The following CAVIN1 variants were observed in gnomAD, a reference collection of about 807,000 sequenced individuals.
The protein encoded by CAVIN1 is caveolae-associated protein 1.
CAVIN1 carries 16 observed loss-of-function variants against 24.0 expected under a neutral mutation model. The ratio of observed to expected loss-of-function variants is 0.67; its 90% confidence interval spans 0.45 to 1.01. The LOEUF is 1.01. Among genes scored for constraint, CAVIN1 ranks in the 50% least tolerant of loss-of-function variants. The probability of loss-of-function intolerance (pLI) is 0.00; values close to 1 mark genes in which losing one functional copy is unlikely to be tolerated. For missense variants in CAVIN1, 510 were observed against 551.7 expected, an observed-to-expected ratio of 0.92 and a Z score of 0.76; for synonymous variants, 256 against 256.4, an observed-to-expected ratio of 1.00 and a Z score of 0.02.
rs1263327749 is a variant in CAVIN1, at chr17:42,422,622, C to T, written c.471+5G>A. The T allele has an allele frequency of 6.4e-7, 1 of 1,564,232 alleles. No individual in the cohort carries two copies. The highest frequency in any genetic ancestry group is 8.7e-7 in the Non-Finnish European group (1 of 1,154,426). On this transcript the variant is annotated splice_donor_5th_base_variant and intron_variant, in intron 1 of 1. Transcript: ENST00000357037. ...CTCTGGGCGCCTTCCGCCCTGTGGG[C>T]TCACCTGGTAGATCATGACTTTAAA... is the stretch of plus-strand genomic sequence containing the variant.
At chr17:42,422,557 C>A in intron 1 of CAVIN1, 70 bp downstream of exon 1, 1 of 1,309,138 alleles carries the variant, frequency 7.6e-7, no homozygotes, top group South Asian at 1.4e-5. Flanking sequence ...GGTCTCCCCA[C>A]CCCAACTCCC....
rs762110643 is a variant in CAVIN1, at chr17:42,422,722, C to T, written c.376G>A (p.Gly126Ser). 1 of 1,609,944 alleles carries T rather than the reference C, an allele frequency of 6.2e-7. No homozygotes were observed. The highest frequency in any genetic ancestry group is 1.1e-5 in the South Asian group (1 of 90,400). Residue 126 changes from glycine (G) to serine (S), a missense_variant, in exon 1 of 2, where the codon GGC becomes AGC. Coordinates refer to ENST00000357037, the MANE Select transcript of CAVIN1 (RefSeq NM_012232.6). The part of the protein sequence containing the change: ...KVSVNVKTVR[G>S]SLERQAGQIK... ...TGCCCCGCCTGGCGCTCCAGGCTGC[C>T]GCGCACGGTCTTCACGTTGACGCTG... is the stretch of plus-strand genomic sequence containing the variant.
At chr17:42,409,593 C>G (rs2085464308) in intron 1 of CAVIN1, among the ~76,000 whole-genome samples, 1 of 152,124 alleles carries the variant, frequency 6.6e-6, no homozygotes. Flanking sequence ...AATAGGCTGG[C>G]TCTGGAGAGG....
chr17:42,421,553 T>G (rs2085545627), intron 1 of CAVIN1, among the ~76,000 whole-genome samples: 1 of 152,138 alleles, frequency 6.6e-6, no homozygotes, highest in South Asian at 2.1e-4. Context: ...GCTGGAACAC[T>G]TGCCGCCCAG....
In CAVIN1 at chr17:42,418,229, C is replaced by CTT. The variant is rs555569816; in HGVS notation, c.471+4396_471+4397dup. ...ATTAAGCAATGCGTGACTGTATTTC[C>CTT]TTTTTTTTTTTTTTTTTTTGAGACC... is the stretch of plus-strand genomic sequence containing the variant. On this transcript the variant is annotated intron_variant, in intron 1 of 1. Coordinates refer to ENST00000357037, the MANE Select transcript of CAVIN1 (RefSeq NM_012232.6). 4.6e-3 allele frequency among the ~76,000 whole-genome samples: 595 copies of CTT among 129,440 alleles called. 5 individuals are homozygous for CTT. The highest frequency in any genetic ancestry group is 0.015 in the African/African-American group (504 of 33,804). 84.9% of individuals were successfully genotyped at this position (129,440 alleles called of 152,430 possible).
intron 1 of CAVIN1, chr17:42,411,442 A>C (rs2085478228): frequency 1.0e-6 from 1 of 985,178 alleles, no homozygotes; most frequent in Non-Finnish European, 1.2e-6. Context: ...TGCTATAGGA[A>C]GGCCAGAGGT....
intron 1 of CAVIN1, among the ~76,000 whole-genome samples, chr17:42,415,279 C>T (rs1356052379): frequency 2.6e-5 from 4 of 152,170 alleles, no homozygotes; most frequent in African/African-American, 9.7e-5. Flanking sequence ...AAGGGTACAC[C>T]TGGGTTCTGG....
Position 42,422,677 on chromosome 17 carries a change from T to G in CAVIN1, c.421A>C (p.Asn141His), listed in dbSNP as rs201698896. The change falls in exon 1 of 2, where the codon AAC (asparagine) becomes CAC (histidine). Residue 141 changes from asparagine to histidine, a missense_variant. Transcript: ENST00000357037. The part of the protein sequence containing the change: ...QAGQIKKLEV[N>H]EAELLRRRNF... Reference sequence around the variant, plus strand: ...CGGCGCCGCAGCAGCTCGGCCTCGTTGACCTCCAGCTTCTTGATCTGCCCC... The same window carrying G: ...CGGCGCCGCAGCAGCTCGGCCTCGTGGACCTCCAGCTTCTTGATCTGCCCC... The G allele has an allele frequency of 6.2e-7, 1 of 1,605,948 alleles. No individual in the cohort carries two copies. Among genetic ancestry groups the G allele is most frequent in the East Asian group, 2.3e-5 (1 of 44,370 alleles).
At chr17:42,406,256 G>A (rs2085445951) in intron 1 of CAVIN1, among the ~76,000 whole-genome samples, 1 of 152,162 alleles carries the variant, frequency 6.6e-6, no homozygotes, top group African/African-American at 2.4e-5. Flanking sequence ...GAGCCAGGCC[G>A]AAAAGCAAGT....
Position 42,403,873 on chromosome 17 carries a change from T to C in CAVIN1, c.*814A>G, listed in dbSNP as rs995122535. 1.3e-5 allele frequency: 2 copies of C among 152,266 alleles called. No homozygotes were observed. Among genetic ancestry groups the C allele is most frequent in the Non-Finnish European group, 2.9e-5 (2 of 68,114 alleles). 9.4% of individuals were successfully genotyped at this position (152,266 alleles called of 1,614,324 possible). A position where few individuals can be genotyped will look rare whatever the true frequency, so the allele number is the denominator to read the frequency against. ...CCAGGCTGGTCCCGAACTCCTGACT[T>C]CAGGTGATCCGCCCACCTCGGCCTC... On this transcript the variant is annotated 3_prime_UTR_variant, in exon 2 of 2. Coordinates refer to ENST00000357037, the MANE Select transcript of CAVIN1 (RefSeq NM_012232.6).
At chr17:42,413,958 C>T (rs1175779519) in intron 1 of CAVIN1, among the ~76,000 whole-genome samples, 2 of 152,068 alleles carry the variant, frequency 1.3e-5, no homozygotes, top group Non-Finnish European at 2.9e-5. Context: ...AGTATAGTGG[C>T]GTGATCTTGG....
chr17:42,415,274 T>G (rs1598577066), intron 1 of CAVIN1, among the ~76,000 whole-genome samples: 1 of 152,062 alleles, frequency 6.6e-6, no homozygotes, highest in Non-Finnish European at 1.5e-5. Context: ...AGCGGAAGGG[T>G]ACACCTGGGT....
intron 1 of CAVIN1, among the ~76,000 whole-genome samples, chr17:42,413,543 A>G (rs2085492767): frequency 7.4e-6 from 1 of 134,230 alleles, no homozygotes; most frequent in Non-Finnish European, 1.5e-5. Flanking sequence ...TGGGCGACAG[A>G]GCAAAAGTCT....
At position 42,410,438 on chromosome 17, in the gene CAVIN1, C is replaced by T. The variant is rs566831354; in HGVS notation, c.472-5050G>A. ...GAAGTGTCCCTCCCTTCTGCTCTAG[C>T]GTGCATTCTTGGCAGGGGTGAAATT... On this transcript the variant is annotated intron_variant, in intron 1 of 1. Transcript: ENST00000357037. Among the ~76,000 whole-genome samples, 11 of 152,214 alleles carry T rather than the reference C, an allele frequency of 7.2e-5. No individual in the cohort carries two copies. In the East Asian group the frequency reaches 7.7e-4, roughly 11 times the overall value.
chr17:42,420,976 G>T (rs1162467062), intron 1 of CAVIN1, among the ~76,000 whole-genome samples: 1 of 152,076 alleles, frequency 6.6e-6, no homozygotes, highest in Non-Finnish European at 1.5e-5. Flanking sequence ...CTTAAAAAAC[G>T]TCAAAAGCCC....
In CAVIN1 at chr17:42,416,402, G is replaced by A. The variant is rs149855407; in HGVS notation, c.471+6225C>T. ...AGAGAGAGAGAGAGAGAGAAAAGAA[G>A]AAAAGAAGAAGGAAAGAAGGCCGGA... is the stretch of plus-strand genomic sequence containing the variant. On this transcript the variant is annotated intron_variant, in intron 1 of 1. Coordinates refer to ENST00000357037, the MANE Select transcript of CAVIN1 (RefSeq NM_012232.6). Among the ~76,000 whole-genome samples the A allele has an allele frequency of 2.2e-3, 334 of 151,038 alleles. 2 individuals are homozygous for A. The highest frequency in any genetic ancestry group is 7.8e-3 in the African/African-American group (322 of 41,178).
At chr17:42,415,525 T>C (rs1013559359) in intron 1 of CAVIN1, among the ~76,000 whole-genome samples, 5 of 151,470 alleles carry the variant, frequency 3.3e-5, no homozygotes, top group African/African-American at 1.2e-4. Context: ...CCCTGGGCAA[T>C]GTGGAGAAAC....
intron 1 of CAVIN1, among the ~76,000 whole-genome samples, chr17:42,410,376 G>A (rs181407443): frequency 2.0e-4 from 31 of 152,222 alleles, no homozygotes; most frequent in African/African-American, 7.5e-4. Flanking sequence ...CTCTGCTAGA[G>A]GTTGCTAAGA....
intron 1 of CAVIN1, 107 bp from the exon 2 acceptor site, chr17:42,405,495 G>T: frequency 8.5e-7 from 1 of 1,176,580 alleles, no homozygotes; most frequent in Non-Finnish European, 1.3e-6. Context: ...TGGGACGCTC[G>T]TGGTCCCCAG....
Sources: gnomAD v4.1 joint callset for allele counts (sites outside exome capture counted in the v4.1 genomes callset) on GRCh38, gnomAD v4.1.1 for gene constraint, MANE v1.5 for transcripts, NCBI Gene and HGNC (gene_info 2026-07-23, HGNC 2026-07-21) for gene names.